EIF3H: variants seen among roughly 807,000 people sequenced by gnomAD.
EIF3H encodes eIF-3-gamma.
In EIF3H, 26 loss-of-function variants were observed where a neutral mutation model predicts 44.2. The observed-to-expected ratio is 0.59, with a 90% CI of 0.43 to 0.82. EIF3H has a LOEUF of 0.82. Among genes scored for constraint, EIF3H ranks in the 40% least tolerant of loss-of-function variants. The pLI is 0.00. For missense variants in EIF3H, 359 were observed against 432.8 expected, an observed-to-expected ratio of 0.83 and a Z score of 1.51; for synonymous variants, 166 against 151.9, an observed-to-expected ratio of 1.09 and a Z score of -0.68.
intron 2 of EIF3H, among the ~76,000 whole-genome samples, chr8:116,710,127 C>T (rs1452669006): frequency 6.6e-6 from 1 of 152,164 alleles, no homozygotes; most frequent in Non-Finnish European, 1.5e-5. Flanking sequence ...ATTGGAAGCA[C>T]TGCACAACAT....
rs1491358554 is a variant in EIF3H, at chr8:116,743,750, CCT to C, written c.132+11914_132+11915del. 1.1e-3 allele frequency among the ~76,000 whole-genome samples: 122 copies of C among 112,022 alleles called. 1 individual carries two copies. The highest frequency in any genetic ancestry group is 3.1e-3 in the African/African-American group (105 of 33,800). The allele number at this position is 112,022 out of a possible 152,430, so 73.5% of individuals were successfully genotyped here. On this transcript the variant is annotated intron_variant, in intron 1 of 7. Transcript: ENST00000521861. The stretch of plus-strand genomic sequence containing the variant: ...TCCAGCCTGGGCGACAGAGCGATAC[CCT>C]GTCTCAAAAATACATACATATATAT...
rs1814796785 is a variant in EIF3H at position 116,724,210 on chromosome 8, G to T, written c.289+1806C>A. Among the ~76,000 whole-genome samples the T allele has an allele frequency of 2.0e-5, 3 of 152,170 alleles. No homozygotes were observed. In the South Asian group the frequency reaches 6.2e-4, roughly 32 times the overall value. On this transcript the variant is annotated intron_variant, in intron 2 of 7. Transcript: ENST00000521861. ...CAAGATGGGACCCTCAATGGGAAAG[G>T]ACAGTCTCTTCAACAGATGGTGCTA...
In EIF3H at chr8:116,642,469, G is replaced by A. The variant is rs576025437; in HGVS notation, c.*2537C>T. The A allele has an allele frequency of 1.3e-5, 2 of 152,250 alleles. No individual in the cohort carries two copies. Among genetic ancestry groups the A allele is most frequent in the East Asian group, 3.9e-4 (2 of 5,184 alleles). 9.4% of individuals were successfully genotyped at this position (152,250 alleles called of 1,614,324 possible). A position where few individuals can be genotyped will look rare whatever the true frequency, so the allele number is the denominator to read the frequency against. On this transcript the variant is annotated 3_prime_UTR_variant, in exon 8 of 8. Transcript: ENST00000521861. ...AGTTGATATTAAAAACACATTGGGA[G>A]CAGGAATCCATTCTTTCAGGTTTTA...
chr8:116,671,102 T>C (rs1813746129), intron 2 of EIF3H, among the ~76,000 whole-genome samples: 2 of 152,372 alleles, frequency 1.3e-5, no homozygotes, highest in Admixed American at 1.3e-4. Context: ...TTCTATGGGC[T>C]ATACTGATAG....
intron 2 of EIF3H, among the ~76,000 whole-genome samples, chr8:116,691,558 A>G (rs1280650582): frequency 6.8e-6 from 1 of 148,110 alleles, no homozygotes; most frequent in Non-Finnish European, 1.5e-5. Context: ...TTTAATAGGA[A>G]AAAAAAAAAA....
chr8:116,756,637 A>T (rs998430162), upstream of EIF3H, among the ~76,000 whole-genome samples: 3 of 152,234 alleles, frequency 2.0e-5, no homozygotes, highest in Non-Finnish European at 4.4e-5. Flanking sequence ...GAAATAATTA[A>T]ATCAATAAAC....
At chr8:116,648,690 T>C (rs1049408839) in intron 6 of EIF3H, 116 bp downstream of exon 6, 3 of 1,242,376 alleles carry the variant, frequency 2.4e-6, no homozygotes, top group Non-Finnish European at 3.2e-6. Context: ...AAATATAATA[T>C]AGAGTAGCTA....
intron 2 of EIF3H, among the ~76,000 whole-genome samples, chr8:116,707,592 CT>C (rs1384846582): frequency 2.0e-5 from 3 of 152,078 alleles, no homozygotes; most frequent in African/African-American, 4.8e-5. Flanking sequence ...AGTCAAGCCC[CT>C]AAAACATGAG....
chr8:116,689,429 C>T (rs919071938), intron 2 of EIF3H, among the ~76,000 whole-genome samples: 1 of 152,068 alleles, frequency 6.6e-6, no homozygotes, highest in Non-Finnish European at 1.5e-5. Context: ...CTCAATAAAA[C>T]TGTCAAAAAA....
chr8:116,710,915 C>T (rs116798810), intron 2 of EIF3H, among the ~76,000 whole-genome samples: 2,356 of 152,222 alleles, frequency 0.015, 52 homozygotes, highest in African/African-American at 0.053. Flanking sequence ...AGCAGTAAAG[C>T]CAAAATCATC....
intron 2 of EIF3H, among the ~76,000 whole-genome samples, chr8:116,693,682 C>T (rs1465744039): frequency 6.6e-6 from 1 of 151,762 alleles, no homozygotes; most frequent in Non-Finnish European, 1.5e-5. Context: ...AGTTTATGTA[C>T]ATTTCTTTTT....
intron 2 of EIF3H, among the ~76,000 whole-genome samples, chr8:116,683,891 C>T (rs933414028): frequency 6.6e-6 from 1 of 152,100 alleles, no homozygotes; most frequent in African/African-American, 2.4e-5. Context: ...AAGCCACGGG[C>T]ATGATTAATA....
chr8:116,753,958 A>G (rs1369358718), intron 1 of EIF3H, among the ~76,000 whole-genome samples: 1 of 152,226 alleles, frequency 6.6e-6, no homozygotes, highest in Non-Finnish European at 1.5e-5. Flanking sequence ...TCCCAAGTGC[A>G]TAAGTGGTAC....
chr8:116,647,560 C>G (rs940738963), intron 6 of EIF3H, among the ~76,000 whole-genome samples: 1 of 152,194 alleles, frequency 6.6e-6, no homozygotes, highest in Non-Finnish European at 1.5e-5. Flanking sequence ...TAACTATAAA[C>G]TTATAGATCA....
intron 1 of EIF3H, among the ~76,000 whole-genome samples, chr8:116,736,388 G>GC (rs1187414903): frequency 6.6e-6 from 1 of 152,200 alleles, no homozygotes; most frequent in East Asian, 1.9e-4. Flanking sequence ...ATTGCCAGGC[G>GC]CGGTGGCTCA....
intron 2 of EIF3H, among the ~76,000 whole-genome samples, chr8:116,676,069 G>A (rs1306938594): frequency 6.6e-6 from 1 of 152,140 alleles, no homozygotes; most frequent in Non-Finnish European, 1.5e-5. Context: ...CACTACCATC[G>A]AAATGTGATA....
intron 1 of EIF3H, among the ~76,000 whole-genome samples, chr8:116,729,694 A>T (rs1037252168): frequency 6.6e-6 from 1 of 152,200 alleles, no homozygotes; most frequent in African/African-American, 2.4e-5. Context: ...TCCACAGAAA[A>T]GGGTAATTAC....
intron 2 of EIF3H, among the ~76,000 whole-genome samples, chr8:116,716,915 C>G (rs1369426670): frequency 6.6e-6 from 1 of 151,996 alleles, no homozygotes; most frequent in Admixed American, 6.6e-5. Flanking sequence ...AATATATACT[C>G]ATTAAAATTA....
At chr8:116,730,284 T>C (rs1814929697) in intron 1 of EIF3H, among the ~76,000 whole-genome samples, 1 of 152,214 alleles carries the variant, frequency 6.6e-6, no homozygotes, top group African/African-American at 2.4e-5. Flanking sequence ...GCCTAAGCTC[T>C]GTCTCCTGTC....
Sources: gnomAD v4.1 joint callset for allele counts (sites outside exome capture counted in the v4.1 genomes callset) on GRCh38, gnomAD v4.1.1 for gene constraint, MANE v1.5 for transcripts, NCBI Gene and HGNC (gene_info 2026-07-23, HGNC 2026-07-21) for gene names.